The following CACNG4 variants were observed in gnomAD, a reference collection of about 807,000 sequenced individuals.
CACNG4 encodes calcium voltage-gated channel auxiliary subunit gamma 4.
In CACNG4, 8 loss-of-function variants were observed where a neutral mutation model predicts 22.9. That is an observed-to-expected ratio of 0.35 (90% CI 0.21 to 0.63). The LOEUF (loss-of-function observed/expected upper bound fraction) is 0.63, where lower values mean the gene tolerates loss of function less well. CACNG4 is among the 30% of genes least tolerant of loss of function. The pLI is 0.72. For synonymous variants in CACNG4, 188 were observed against 191.9 expected, an observed-to-expected ratio of 0.98 and a Z score of 0.17; for missense variants, 357 against 455.4, an observed-to-expected ratio of 0.78 and a Z score of 1.97.
At chr17:67,001,670 T>C (rs1486947079) in intron 1 of CACNG4, among the ~76,000 whole-genome samples, 1 of 152,174 alleles carries the variant, frequency 6.6e-6, no homozygotes, top group Non-Finnish European at 1.5e-5. Flanking sequence ...TCTTAATGTG[T>C]CAGCGCTGAT....
intron 2 of CACNG4, among the ~76,000 whole-genome samples, chr17:67,022,432 C>T (rs1245042072): frequency 6.6e-6 from 1 of 152,190 alleles, no homozygotes; most frequent in Non-Finnish European, 1.5e-5. Flanking sequence ...CTGGCCAGCA[C>T]AGCTCAGAGG....
intron 1 of CACNG4, among the ~76,000 whole-genome samples, chr17:67,015,096 G>A (rs766073052): frequency 1.2e-4 from 18 of 152,160 alleles, no homozygotes; most frequent in Non-Finnish European, 2.2e-4. Context: ...CTTCTCCACC[G>A]CCTCGTTAGT....
intron 2 of CACNG4, among the ~76,000 whole-genome samples, chr17:67,019,140 A>G (rs1332236510): frequency 6.6e-6 from 1 of 152,168 alleles, no homozygotes; most frequent in Non-Finnish European, 1.5e-5. Flanking sequence ...TTGTTGATGG[A>G]GAATCAATAC....
At chr17:66,999,647 C>G (rs867113512) in intron 1 of CACNG4, among the ~76,000 whole-genome samples, 1 of 152,144 alleles carries the variant, frequency 6.6e-6, no homozygotes, top group Non-Finnish European at 1.5e-5. Context: ...CAGGAGAACA[C>G]CACGGGGGGA....
At chr17:67,014,238 C>T (rs935361739) in intron 1 of CACNG4, among the ~76,000 whole-genome samples, 5 of 152,150 alleles carry the variant, frequency 3.3e-5, no homozygotes, top group African/African-American at 1.2e-4. Context: ...GTATGGAGAG[C>T]GAACACATGT....
At chr17:67,022,902 C>A (rs2035540700) in intron 2 of CACNG4, among the ~76,000 whole-genome samples, 1 of 152,240 alleles carries the variant, frequency 6.6e-6, no homozygotes, top group African/African-American at 2.4e-5. Context: ...CTCACAGTAA[C>A]CCTCCAATGG....
Position 67,019,277 on chromosome 17 carries a change from G to A in CACNG4, c.304+1005G>A, listed in dbSNP as rs925568293. The stretch of plus-strand genomic sequence containing the variant: ...GCACGCGGTTCCCATAGAGCCTGGG[G>A]CAGTGTCAGGCTGCTGCGACCAGGC... On this transcript the variant is annotated intron_variant, in intron 2 of 3. Coordinates refer to ENST00000262138, the MANE Select transcript of CACNG4 (RefSeq NM_014405.4). Among the ~76,000 whole-genome samples the A allele has an allele frequency of 3.3e-5, 5 of 152,252 alleles. No individual in the cohort carries two copies. The East Asian group carries it at 9.7e-4, about 29-fold the overall frequency.
At chr17:67,024,762 C>T in intron 2 of CACNG4, 98 bp from the exon 3 acceptor site, 1 of 1,289,748 alleles carries the variant, frequency 7.8e-7, no homozygotes, top group Admixed American at 2.9e-5. Context: ...GGGGAAGGGC[C>T]TGGAGCTGCA....
chr17:66,979,227 C>G (rs12451641), intron 1 of CACNG4, among the ~76,000 whole-genome samples: 3,775 of 152,292 alleles, frequency 0.025, 53 homozygotes, highest in East Asian at 0.068. Flanking sequence ...TCTCTCCTTT[C>G]TTTCTTCCTT....
chr17:66,988,323 C>T (rs2035316983), intron 1 of CACNG4, among the ~76,000 whole-genome samples: 1 of 152,138 alleles, frequency 6.6e-6, no homozygotes, highest in Non-Finnish European at 1.5e-5. Context: ...GTCCGGTCAT[C>T]AGAACTATTG....
intron 1 of CACNG4, among the ~76,000 whole-genome samples, chr17:67,013,157 C>T (rs910876957): frequency 2.0e-5 from 3 of 152,084 alleles, no homozygotes; most frequent in Admixed American, 6.5e-5. Context: ...TTCAACTGTA[C>T]TTGGGGATAT....
chr17:66,981,841 T>A (rs76153192), intron 1 of CACNG4, among the ~76,000 whole-genome samples: 1,710 of 152,360 alleles, frequency 0.011, 22 homozygotes, highest in African/African-American at 0.039. Flanking sequence ...TCTCAACTTA[T>A]CTTTGTAACA....
Position 66,964,797 on chromosome 17 carries a change from G to C in CACNG4, c.-115G>C. ...GGGTCGGAGCGCGCAGCGCGGCGCC[G>C]CCCCCCGGCCCTCGGCCCCCCAACC... On this transcript the variant is annotated 5_prime_UTR_variant, in exon 1 of 4. Coordinates refer to ENST00000262138, the MANE Select transcript of CACNG4 (RefSeq NM_014405.4). 15 of 276,842 alleles carry C rather than the reference G, an allele frequency of 5.4e-5. No homozygotes were observed. The highest frequency in any genetic ancestry group is 8.0e-5 in the Non-Finnish European group (15 of 186,894). The allele number at this position is 276,842 out of a possible 1,614,324, so 17.1% of individuals were successfully genotyped here.
intron 1 of CACNG4, among the ~76,000 whole-genome samples, chr17:67,004,571 G>A (rs762507114): frequency 7.9e-5 from 12 of 152,130 alleles, no homozygotes; most frequent in Non-Finnish European, 1.8e-4. Flanking sequence ...AAGTGTTGCA[G>A]ACCTGCGCTG....
chr17:66,992,259 G>A (rs960425915), intron 1 of CACNG4, among the ~76,000 whole-genome samples: 2 of 152,110 alleles, frequency 1.3e-5, no homozygotes, highest in Non-Finnish European at 2.9e-5. Flanking sequence ...TGAATGAATA[G>A]GTCCCATAGA....
chr17:67,001,207 G>T (rs2035406115), intron 1 of CACNG4, among the ~76,000 whole-genome samples: 1 of 152,130 alleles, frequency 6.6e-6, no homozygotes, highest in Admixed American at 6.5e-5. Context: ...TACCATGATT[G>T]TGAGGGCTCC....
chr17:66,994,373 A>G (rs906595094), intron 1 of CACNG4, among the ~76,000 whole-genome samples: 2 of 151,366 alleles, frequency 1.3e-5, no homozygotes, highest in Non-Finnish European at 2.9e-5. Context: ...GCAGACACGC[A>G]TGGAAAAGGT....
At chr17:66,977,015 C>G (rs1381393844) in intron 1 of CACNG4, among the ~76,000 whole-genome samples, 1 of 152,166 alleles carries the variant, frequency 6.6e-6, no homozygotes, top group Admixed American at 6.5e-5. Flanking sequence ...CAGTATCCCT[C>G]GGGGTTCCTT....
At chr17:67,000,917 A>G (rs1252014801) in intron 1 of CACNG4, among the ~76,000 whole-genome samples, 1 of 152,038 alleles carries the variant, frequency 6.6e-6, no homozygotes, top group Non-Finnish European at 1.5e-5. Context: ...CTTCCTAAAA[A>G]GCAAATCTTG....
Sources: gnomAD v4.1 joint callset for allele counts (sites outside exome capture counted in the v4.1 genomes callset) on GRCh38, gnomAD v4.1.1 for gene constraint, MANE v1.5 for transcripts, NCBI Gene and HGNC (gene_info 2026-07-23, HGNC 2026-07-21) for gene names.